The following SLC14A2 variants were observed in gnomAD, a reference collection of about 807,000 sequenced individuals.
The protein encoded by SLC14A2 is urea transporter 2.
In SLC14A2, 91 loss-of-function variants were observed where a neutral mutation model predicts 104.6. The observed-to-expected ratio is 0.87, with a 90% CI of 0.73 to 1.04. The LOEUF is 1.04. SLC14A2 is among the 50% of genes least tolerant of loss of function. The pLI is 0.00. For synonymous variants in SLC14A2, 476 were observed against 466.4 expected (o/e 1.02, Z -0.27); for missense variants, 1,189 against 1,156.0 (o/e 1.03, Z -0.41).
At chr18:45,578,185 C>T (rs2044440554) in intron 2 of SLC14A2, among the ~76,000 whole-genome samples, 2 of 152,200 alleles carry the variant, frequency 1.3e-5, no homozygotes, top group Non-Finnish European at 2.9e-5. Context: ...CCAGGAGCCC[C>T]TTTCTGACAT....
intron 3 of SLC14A2, among the ~76,000 whole-genome samples, 192 bp downstream of exon 3, chr18:45,626,055 A>T (rs2045253617): frequency 6.6e-6 from 1 of 152,142 alleles, no homozygotes; most frequent in African/African-American, 2.4e-5. Context: ...CTCCAAGGGG[A>T]TATGATATAC....
At chr18:45,588,198 A>C (rs1326851872) in intron 2 of SLC14A2, among the ~76,000 whole-genome samples, 1 of 152,182 alleles carries the variant, frequency 6.6e-6, no homozygotes, top group East Asian at 1.9e-4. Flanking sequence ...GGGCTCTCTG[A>C]AAATAGAAGG....
chr18:45,174,736 T>C, the SLC14A2 span, among the ~76,000 whole-genome samples: 1 of 151,930 alleles, frequency 6.6e-6, no homozygotes, highest in East Asian at 1.9e-4. Flanking sequence ...TTGGGCAGGG[T>C]AGCAGGGGAC....
the SLC14A2 span, among the ~76,000 whole-genome samples, chr18:45,204,152 A>G: frequency 1.7e-4 from 26 of 152,282 alleles, no homozygotes; most frequent in African/African-American, 6.3e-4. Flanking sequence ...ATTATTCCAG[A>G]GTGGTAATAA....
chr18:45,584,061 G>T (rs1422044052), intron 2 of SLC14A2, among the ~76,000 whole-genome samples: 1 of 151,172 alleles, frequency 6.6e-6, no homozygotes, highest in African/African-American at 2.5e-5. Flanking sequence ...TTTGAATTCT[G>T]TATGTATTTA....
intron 2 of SLC14A2, among the ~76,000 whole-genome samples, chr18:45,544,680 A>G (rs1225355422): frequency 1.3e-5 from 2 of 151,816 alleles, no homozygotes; most frequent in African/African-American, 4.8e-5. Context: ...GTATCCATAA[A>G]TAGCTTTTAT....
the SLC14A2 span, among the ~76,000 whole-genome samples, chr18:45,191,834 C>G: frequency 1.3e-5 from 2 of 152,168 alleles, no homozygotes; most frequent in African/African-American, 2.4e-5. Context: ...GGAAAAAAAT[C>G]ATGAGTAGAT....
chr18:45,632,204 C>A, intron 4 of SLC14A2, 146 bp from the exon 5 acceptor site: 2 of 841,590 alleles, frequency 2.4e-6, no homozygotes, highest in Non-Finnish European at 3.6e-6. Flanking sequence ...ATGTGACTGC[C>A]CAATATTCAT....
At chr18:45,672,229 A>C (rs1465222128) in intron 16 of SLC14A2, among the ~76,000 whole-genome samples, 2 of 152,050 alleles carry the variant, frequency 1.3e-5, no homozygotes, top group Non-Finnish European at 2.9e-5. Flanking sequence ...TCATCTTTTT[A>C]GCTTTAAAAA....
At chr18:45,311,360 C>T (rs979423915) in intron 1 of SLC14A2, among the ~76,000 whole-genome samples, 2 of 152,324 alleles carry the variant, frequency 1.3e-5, no homozygotes, top group South Asian at 4.1e-4. Context: ...CTCTCAGTCA[C>T]TATATGAGAT....
intron 1 of SLC14A2, among the ~76,000 whole-genome samples, chr18:45,340,058 C>G (rs2144280433): frequency 6.6e-6 from 1 of 152,300 alleles, no homozygotes; most frequent in African/African-American, 2.4e-5. Context: ...TCCTGGGTGG[C>G]TTGGTAGGTC....
At chr18:45,356,286 A>G (rs544948065) in intron 1 of SLC14A2, among the ~76,000 whole-genome samples, 3 of 152,316 alleles carry the variant, frequency 2.0e-5, no homozygotes, top group Admixed American at 2.0e-4. Context: ...TGTGGGACAA[A>G]ATGAGATCAT....
At chr18:45,416,037 A>G (rs1167798013) in intron 1 of SLC14A2, among the ~76,000 whole-genome samples, 2 of 152,124 alleles carry the variant, frequency 1.3e-5, no homozygotes, top group African/African-American at 4.8e-5. Context: ...TCCTGGTGCT[A>G]ATGATGACCT....
rs867312312 is a variant in SLC14A2 at position 45,291,400 on chromosome 18, A to G, written c.-125+78209A>G. On this transcript the variant is annotated intron_variant, in intron 1 of 20. Transcript: ENST00000586448. ...GAACTAAACATGTTATTGGGAACAG[A>G]ACATGCCTGCAGATCCATTACCTTT... 3.3e-5 allele frequency among the ~76,000 whole-genome samples: 5 copies of G among 152,294 alleles called. No individual in the cohort carries two copies. In the South Asian group the frequency reaches 8.3e-4, roughly 25 times the overall value.
chr18:45,606,444 G>A (rs548373226), intron 2 of SLC14A2, among the ~76,000 whole-genome samples: 33 of 152,122 alleles, frequency 2.2e-4, no homozygotes, highest in African/African-American at 6.7e-4. Flanking sequence ...CTGGAACTCC[G>A]CAAAACTGAT....
intron 1 of SLC14A2, among the ~76,000 whole-genome samples, chr18:45,266,203 G>A (rs563256054): frequency 6.6e-6 from 1 of 152,192 alleles, no homozygotes; most frequent in South Asian, 2.1e-4. Flanking sequence ...GCACTTCCTG[G>A]TTCCCTACTG....
At chr18:45,219,269 C>T (rs1420393606) in intron 1 of SLC14A2, among the ~76,000 whole-genome samples, 1 of 152,074 alleles carries the variant, frequency 6.6e-6, no homozygotes, top group Non-Finnish European at 1.5e-5. Context: ...TGTAGTAAAC[C>T]CTTTTAATAC....
At chr18:45,607,537 T>C (rs950911063) in intron 2 of SLC14A2, among the ~76,000 whole-genome samples, 1 of 152,234 alleles carries the variant, frequency 6.6e-6, no homozygotes, top group Non-Finnish European at 1.5e-5. Context: ...TTTTTTGGGT[T>C]CCTGCTAGGA....
chr18:45,628,041 AT>A (rs2045288952), intron 4 of SLC14A2, among the ~76,000 whole-genome samples: 2 of 151,898 alleles, frequency 1.3e-5, no homozygotes, highest in South Asian at 4.1e-4. Flanking sequence ...AGAAAAAAGA[AT>A]AAAAACTTGC....
Sources: allele counts gnomAD v4.1 joint callset (sites outside exome capture counted in the v4.1 genomes callset), GRCh38; gene constraint gnomAD v4.1.1; transcripts MANE v1.5; gene names NCBI Gene and HGNC (gene_info 2026-07-23, HGNC 2026-07-21).